Variants in ULK4 observed in about 807,000 individuals in gnomAD.
ULK4 encodes inactive serine/threonine-protein kinase ULK4.
ULK4 carries 133 observed loss-of-function variants against 160.6 expected under a neutral mutation model. The observed-to-expected ratio is 0.83, with a 90% CI of 0.72 to 0.96. The LOEUF (loss-of-function observed/expected upper bound fraction) is 0.96, where lower values mean the gene tolerates loss of function less well. Among genes scored for constraint, ULK4 ranks in the 40% least tolerant of loss-of-function variants. The pLI is 0.00. For synonymous variants in ULK4, 534 were observed against 539.8 expected, an observed-to-expected ratio of 0.99 and a Z score of 0.15; for missense variants, 1,580 against 1,499.5, an observed-to-expected ratio of 1.05 and a Z score of -0.89.
intron 34 of ULK4, among the ~76,000 whole-genome samples, chr3:41,450,642 T>C (rs1483369577): frequency 1.3e-5 from 2 of 152,226 alleles, no homozygotes; most frequent in Admixed American, 6.5e-5. Flanking sequence ...TGTTTATTTT[T>C]CCCTACGGGA....
At chr3:41,403,091 G>T (rs1475791585) in intron 34 of ULK4, among the ~76,000 whole-genome samples, 1 of 151,722 alleles carries the variant, frequency 6.6e-6, no homozygotes, top group African/African-American at 2.4e-5. Flanking sequence ...CAGAGGTTGT[G>T]GTGAGCCAAT....
At chr3:41,375,364 A>T (rs1302180369) in intron 35 of ULK4, among the ~76,000 whole-genome samples, 4 of 151,078 alleles carry the variant, frequency 2.6e-5, no homozygotes, top group African/African-American at 9.8e-5. Flanking sequence ...GAGGCATCAC[A>T]CTACCTGACT....
At chr3:41,770,396 G>A (rs1463778452) in intron 21 of ULK4, among the ~76,000 whole-genome samples, 2 of 152,022 alleles carry the variant, frequency 1.3e-5, no homozygotes, top group South Asian at 2.1e-4. Context: ...TTTTCTGTAG[G>A]GCGGTAACCA....
chr3:41,580,874 G>C (rs890189155), intron 31 of ULK4, among the ~76,000 whole-genome samples: 1 of 152,150 alleles, frequency 6.6e-6, no homozygotes, highest in Non-Finnish European at 1.5e-5. Flanking sequence ...ACCCAATGCT[G>C]TATTTTTCCA....
rs555935496 is a variant in ULK4, at chr3:41,824,163, T to TTTAAAA, written c.1765-4658_1765-4657insTTTTAA. 4.4e-3 allele frequency among the ~76,000 whole-genome samples: 518 copies of TTTAAAA among 117,772 alleles called. 8 individuals carry two copies. Among genetic ancestry groups the TTTAAAA allele is most frequent in the African/African-American group, 0.014 (395 of 28,338 alleles). The allele number at this position is 117,772 out of a possible 152,430, so 77.3% of individuals were successfully genotyped here. ...GGGTGAGAGAATGAGACTCTATCTT[T>TTTAAAA]AAAAAAAAAAAAAAAAAAAGGAGGA... On this transcript the variant is annotated intron_variant, in intron 18 of 36. Coordinates refer to ENST00000301831, the MANE Select transcript of ULK4 (RefSeq NM_017886.4).
intron 32 of ULK4, among the ~76,000 whole-genome samples, chr3:41,545,988 T>C (rs2086848190): frequency 6.6e-6 from 1 of 152,214 alleles, no homozygotes; most frequent in Non-Finnish European, 1.5e-5. Flanking sequence ...CTACCTCATC[T>C]CTTCACTTAT....
chr3:41,553,679 A>C (rs1352424293), intron 32 of ULK4, among the ~76,000 whole-genome samples: 1 of 152,048 alleles, frequency 6.6e-6, no homozygotes, highest in East Asian at 1.9e-4. Flanking sequence ...AAAAATAAGA[A>C]GACTGCTTTT....
chr3:41,907,465 T>A (rs756448736), intron 12 of ULK4, among the ~76,000 whole-genome samples: 2 of 151,296 alleles, frequency 1.3e-5, no homozygotes, highest in South Asian at 2.1e-4. Flanking sequence ...CCCAGCTAAT[T>A]TTTTTTTATT....
chr3:41,703,246 T>TC (rs397756882), intron 27 of ULK4, among the ~76,000 whole-genome samples: 2 of 151,634 alleles, frequency 1.3e-5, no homozygotes, highest in African/African-American at 4.9e-5. Context: ...TATTTTTTTT[T>TC]CAAACATACA....
chr3:41,408,694 C>T (rs1334473639), intron 34 of ULK4, among the ~76,000 whole-genome samples: 5 of 152,106 alleles, frequency 3.3e-5, no homozygotes, highest in Non-Finnish European at 5.9e-5. Context: ...AGGACTCCTA[C>T]TTCCTAATTT....
chr3:41,412,595 C>G (rs1297650364), intron 34 of ULK4, among the ~76,000 whole-genome samples: 3 of 107,546 alleles, frequency 2.8e-5, no homozygotes, highest in Admixed American at 1.0e-4. Context: ...GAGTCTCGCT[C>G]TGTTGCCCAG....
intron 23 of ULK4, 49 bp downstream of exon 23, chr3:41,717,679 T>C: frequency 1.3e-6 from 2 of 1,565,650 alleles, no homozygotes; most frequent in Non-Finnish European, 1.7e-6. Flanking sequence ...AGCCAAGTCT[T>C]AGAAACGTAA....
chr3:41,448,943 C>T (rs1036077310), intron 34 of ULK4, among the ~76,000 whole-genome samples: 2 of 152,042 alleles, frequency 1.3e-5, no homozygotes, highest in Admixed American at 6.6e-5. Context: ...TGGAGTGCAA[C>T]GGCACCATCT....
intron 30 of ULK4, among the ~76,000 whole-genome samples, chr3:41,649,558 ACTGTCGCAACC>A (rs1279750939): frequency 6.6e-6 from 1 of 152,128 alleles, no homozygotes; most frequent in Non-Finnish European, 1.5e-5. Flanking sequence ...GAGCCTGGGC[ACTGTCGCAACC>A]CAGCTGGGGG....
intron 18 of ULK4, among the ~76,000 whole-genome samples, chr3:41,831,531 A>ATATAGAGAGATACAT: frequency 7.2e-6 from 1 of 138,066 alleles, no homozygotes; most frequent in African/African-American, 2.8e-5. Context: ...ATATATATAT[A>ATATAGAGAGATACAT]TTTTTTTTTC....
chr3:41,431,320 C>T (rs2082899916), intron 34 of ULK4, among the ~76,000 whole-genome samples: 1 of 150,710 alleles, frequency 6.6e-6, no homozygotes, highest in African/African-American at 2.4e-5. Flanking sequence ...TGCACTACAG[C>T]CAGGCAACAC....
chr3:41,256,404 G>A (rs2078835484), intron 35 of ULK4, among the ~76,000 whole-genome samples: 1 of 152,118 alleles, frequency 6.6e-6, no homozygotes, highest in Non-Finnish European at 1.5e-5. Flanking sequence ...CACAGATAAT[G>A]GAATAGACAA....
At chr3:41,278,726 A>G (rs2125692408) in intron 35 of ULK4, among the ~76,000 whole-genome samples, 1 of 152,284 alleles carries the variant, frequency 6.6e-6, no homozygotes, top group Non-Finnish European at 1.5e-5. Context: ...AAGGAAAACT[A>G]ACAAACAGAA....
chr3:41,330,628 C>T (rs1429888523), intron 35 of ULK4, among the ~76,000 whole-genome samples: 1 of 152,172 alleles, frequency 6.6e-6, no homozygotes. Context: ...GCCATGTTTA[C>T]CCCTAAGTCA....
Sources: allele counts gnomAD v4.1 joint callset (sites outside exome capture counted in the v4.1 genomes callset), GRCh38; gene constraint gnomAD v4.1.1; transcripts MANE v1.5; gene names NCBI Gene and HGNC (gene_info 2026-07-23, HGNC 2026-07-21).